OXR1: variants seen among roughly 807,000 people sequenced by gnomAD.
OXR1 encodes the protein oxidation resistance protein 1.
Under a neutral mutation model 104.6 loss-of-function variants are expected in OXR1, and 41 were observed. The ratio of observed to expected loss-of-function variants is 0.39; its 90% confidence interval spans 0.31 to 0.51. The LOEUF (loss-of-function observed/expected upper bound fraction) is 0.51. Among genes scored for constraint, OXR1 ranks in the 20% least tolerant of loss-of-function variants. The pLI is 0.77. For synonymous variants in OXR1, 348 were observed against 348.4 expected, an observed-to-expected ratio of 1.00 and a Z score of 0.01; for missense variants, 955 against 1,031.9, an observed-to-expected ratio of 0.93 and a Z score of 1.02.
chr8:106,689,387 A>T (rs1347234466), intron 6 of OXR1, among the ~76,000 whole-genome samples: 1 of 152,042 alleles, frequency 6.6e-6, no homozygotes, highest in Non-Finnish European at 1.5e-5. Flanking sequence ...CTCATGTATG[A>T]CCTTACCTTA....
At chr8:106,673,808 T>C (rs1827289052) in intron 3 of OXR1, among the ~76,000 whole-genome samples, 1 of 152,186 alleles carries the variant, frequency 6.6e-6, no homozygotes, top group South Asian at 2.1e-4. Flanking sequence ...AGGCCATTTA[T>C]TTAGAGGATA....
chr8:106,271,518 A>G (rs2130457110), intron 1 of OXR1, among the ~76,000 whole-genome samples: 1 of 152,156 alleles, frequency 6.6e-6, no homozygotes, highest in East Asian at 1.9e-4. Context: ...AGAAGTCTGC[A>G]GCGTGCAACT....
chr8:106,459,068 A>G (rs1820765835), intron 2 of OXR1, among the ~76,000 whole-genome samples: 1 of 152,068 alleles, frequency 6.6e-6, no homozygotes, highest in Non-Finnish European at 1.5e-5. Flanking sequence ...GAATGAATGT[A>G]TTTTGCACTG....
intron 2 of OXR1, among the ~76,000 whole-genome samples, chr8:106,379,541 T>A (rs181064086): frequency 2.2e-5 from 3 of 138,176 alleles, no homozygotes; most frequent in Middle Eastern, 7.1e-3. Flanking sequence ...TTCTTTCTTT[T>A]TTTTTTTTTT....
intron 1 of OXR1, among the ~76,000 whole-genome samples, chr8:106,313,395 T>C (rs1216494851): frequency 6.6e-6 from 1 of 152,188 alleles, no homozygotes; most frequent in Non-Finnish European, 1.5e-5. Context: ...GTACAGCATA[T>C]TCTGTCCTGT....
In OXR1 at chr8:106,666,177, C is replaced by T. The variant is rs1026253140; in HGVS notation, c.221-13033C>T. 3.9e-5 allele frequency among the ~76,000 whole-genome samples: 6 copies of T among 152,318 alleles called. No individual in the cohort carries two copies. In the East Asian group the frequency reaches 1.2e-3, roughly 29 times the overall value. ...AATATGCAGTTATCTAACAGTCCAT[C>T]TTAACTGAGAGGTAGGTTTTACATT... On this transcript the variant is annotated intron_variant, in intron 3 of 16. Transcript: ENST00000517566.
At chr8:106,461,516 G>T (rs1820917560) in intron 2 of OXR1, among the ~76,000 whole-genome samples, 1 of 152,098 alleles carries the variant, frequency 6.6e-6, no homozygotes, top group Non-Finnish European at 1.5e-5. Flanking sequence ...AGTGAGCAGA[G>T]ATCACGCCAC....
At chr8:106,544,569 G>A (rs957492349) in intron 3 of OXR1, among the ~76,000 whole-genome samples, 1 of 152,000 alleles carries the variant, frequency 6.6e-6, no homozygotes, top group African/African-American at 2.4e-5. Flanking sequence ...TTCTTGTGAT[G>A]TTTCATTCTT....
At chr8:106,543,268 CT>C (rs1255732550) in intron 3 of OXR1, among the ~76,000 whole-genome samples, 1 of 152,028 alleles carries the variant, frequency 6.6e-6, no homozygotes, top group Admixed American at 6.6e-5. Context: ...TTTTTTCATC[CT>C]TTTTTTAATT....
intron 3 of OXR1, among the ~76,000 whole-genome samples, chr8:106,671,859 C>T (rs1452498268): frequency 6.6e-6 from 1 of 150,444 alleles, no homozygotes; most frequent in Non-Finnish European, 1.5e-5. Context: ...AGGAGATATA[C>T]CTAATTGTAA....
chr8:106,675,022 C>T (rs906505418), intron 3 of OXR1, among the ~76,000 whole-genome samples: 2 of 151,980 alleles, frequency 1.3e-5, no homozygotes, highest in African/African-American at 2.4e-5. Context: ...AAAGAAAAAG[C>T]AGAAACTAAT....
intron 3 of OXR1, among the ~76,000 whole-genome samples, chr8:106,665,497 A>G (rs1218046843): frequency 6.6e-6 from 1 of 152,226 alleles, no homozygotes; most frequent in Non-Finnish European, 1.5e-5. Context: ...TTATTTAGGG[A>G]TATTTAATTT....
At chr8:106,495,097 A>C (rs1811329925) in intron 2 of OXR1, among the ~76,000 whole-genome samples, 1 of 152,038 alleles carries the variant, frequency 6.6e-6, no homozygotes, top group South Asian at 2.1e-4. Flanking sequence ...TGAGTAAATG[A>C]ATATAGGTAT....
intron 12 of OXR1, among the ~76,000 whole-genome samples, chr8:106,738,323 TTTTACC>T (rs1399285990): frequency 5.3e-5 from 8 of 152,056 alleles, no homozygotes; most frequent in Non-Finnish European, 1.0e-4. Flanking sequence ...TTCTTTTTCT[TTTTACC>T]TTTCACATCA....
chr8:106,296,983 C>A (rs1380165260), intron 1 of OXR1, among the ~76,000 whole-genome samples: 2 of 152,194 alleles, frequency 1.3e-5, no homozygotes, highest in Non-Finnish European at 2.9e-5. Flanking sequence ...CACCCTAGAG[C>A]TGTGATGGTA....
At chr8:106,472,694 C>T (rs1027721848) in intron 2 of OXR1, among the ~76,000 whole-genome samples, 3 of 151,780 alleles carry the variant, frequency 2.0e-5, no homozygotes, top group Admixed American at 6.6e-5. Context: ...TTCTGTCATC[C>T]GTGTCACTCC....
At chr8:106,674,489 T>G (rs1309372092) in intron 3 of OXR1, among the ~76,000 whole-genome samples, 1 of 152,174 alleles carries the variant, frequency 6.6e-6, no homozygotes, top group East Asian at 1.9e-4. Context: ...TTGTCTCGGG[T>G]AAGACTTTGG....
intron 3 of OXR1, among the ~76,000 whole-genome samples, chr8:106,661,675 A>T (rs1187202150): frequency 2.0e-5 from 3 of 152,226 alleles, no homozygotes; most frequent in Non-Finnish European, 2.9e-5. Context: ...TAAGCGTCCT[A>T]TTATATCAAC....
intron 2 of OXR1, among the ~76,000 whole-genome samples, chr8:106,499,823 G>A (rs1028078345): frequency 3.7e-4 from 56 of 152,178 alleles, no homozygotes; most frequent in African/African-American, 1.4e-3. Flanking sequence ...GAGCATGTGT[G>A]GTAGAAAAAA....
Sources: allele counts gnomAD v4.1 joint callset (sites outside exome capture counted in the v4.1 genomes callset), GRCh38; gene constraint gnomAD v4.1.1; transcripts MANE v1.5; gene names NCBI Gene and HGNC (gene_info 2026-07-23, HGNC 2026-07-21).